Variants in TM9SF2 observed in about 807,000 individuals in gnomAD.
TM9SF2 encodes the protein 76 kDa membrane protein.
TM9SF2 carries 13 observed loss-of-function variants against 84.9 expected under a neutral mutation model. That is an observed-to-expected ratio of 0.15 (90% CI 0.10 to 0.24). The LOEUF (loss-of-function observed/expected upper bound fraction) is 0.24, where lower values mean the gene tolerates loss of function less well. Among genes scored for constraint, TM9SF2 ranks in the 10% least tolerant of loss-of-function variants. The pLI is 1.00. For missense variants in TM9SF2, 562 were observed against 818.5 expected (o/e 0.69, Z 3.82); for synonymous variants, 273 against 285.8 (o/e 0.96, Z 0.45).
At chr13:99,535,019 G>A (rs1254911752) in intron 4 of TM9SF2, among the ~76,000 whole-genome samples, 1 of 152,052 alleles carries the variant, frequency 6.6e-6, no homozygotes, top group Non-Finnish European at 1.5e-5. Context: ...AGGTGTGATG[G>A]CATGCACCTG....
intron 1 of TM9SF2, among the ~76,000 whole-genome samples, chr13:99,508,659 T>G (rs141374557): frequency 1.8e-3 from 268 of 152,124 alleles, no homozygotes; most frequent in Non-Finnish European, 3.3e-3. Context: ...CTCAGGAAAT[T>G]TTTACTCATG....
intron 10 of TM9SF2, among the ~76,000 whole-genome samples, chr13:99,544,812 C>G (rs1028864462): frequency 6.6e-6 from 1 of 152,102 alleles, no homozygotes; most frequent in Non-Finnish European, 1.5e-5. Flanking sequence ...TAAAAAGATT[C>G]TCTTCTTTGA....
At chr13:99,509,914 TC>T (rs1325838140) in intron 1 of TM9SF2, among the ~76,000 whole-genome samples, 8 of 152,236 alleles carry the variant, frequency 5.3e-5, no homozygotes, top group African/African-American at 1.9e-4. Context: ...GTGCTCTGCT[TC>T]CTGTTTAAAT....
chr13:99,562,681 T>C lies in TM9SF2; in HGVS notation c.1925-10T>C. 1 of 1,611,524 alleles carries C rather than the reference T, an allele frequency of 6.2e-7. No homozygotes were observed. Among genetic ancestry groups the C allele is most frequent in the Non-Finnish European group, 8.5e-7 (1 of 1,179,308 alleles). ...TGAAAAGGGGTTTATTTTTATTTTT[T>C]CTCTTATAGGAACAATTGGCTTCTT... On this transcript the variant is annotated splice_polypyrimidine_tract_variant and intron_variant, in intron 16 of 16. Transcript: ENST00000376387.
intron 4 of TM9SF2, among the ~76,000 whole-genome samples, chr13:99,530,176 A>G (rs1184067033): frequency 2.0e-5 from 3 of 152,216 alleles, no homozygotes; most frequent in African/African-American, 7.2e-5. Context: ...CTGTAATCCC[A>G]GCACTTGGGA....
intron 10 of TM9SF2, among the ~76,000 whole-genome samples, chr13:99,544,198 A>G (rs957518704): frequency 6.6e-6 from 1 of 152,032 alleles, no homozygotes; most frequent in Admixed American, 6.6e-5. Context: ...CTAAAAATAC[A>G]AAAACTGGGC....
At chr13:99,543,757 A>T (rs1004148360) in intron 9 of TM9SF2, 106 bp from the exon 10 acceptor site, 8 of 1,426,960 alleles carry the variant, frequency 5.6e-6, no homozygotes, top group African/African-American at 1.4e-5. Flanking sequence ...TTTTAAGTTT[A>T]AAAAAAACCT....
intron 1 of TM9SF2, among the ~76,000 whole-genome samples, chr13:99,507,412 A>G (rs1033422922): frequency 3.3e-5 from 5 of 152,188 alleles, no homozygotes; most frequent in Non-Finnish European, 7.3e-5. Flanking sequence ...CACCCAGGCT[A>G]GAGTGCAGTG....
intron 3 of TM9SF2, among the ~76,000 whole-genome samples, chr13:99,521,241 A>G (rs543191506): frequency 1.3e-5 from 2 of 152,336 alleles, no homozygotes; most frequent in South Asian, 4.1e-4. Context: ...ATTTTCATAC[A>G]CCTATAAGCT....
chr13:99,527,982 G>A (rs1258161768), intron 3 of TM9SF2, among the ~76,000 whole-genome samples: 1 of 152,104 alleles, frequency 6.6e-6, no homozygotes, highest in Non-Finnish European at 1.5e-5. Flanking sequence ...TTGATTTTCA[G>A]AATTATTCCA....
intron 4 of TM9SF2, among the ~76,000 whole-genome samples, chr13:99,531,521 C>G (rs1594053006): frequency 1.3e-5 from 2 of 152,120 alleles, no homozygotes; most frequent in East Asian, 1.9e-4. Context: ...GCATAGAACC[C>G]TGGGTTGCTG....
intron 14 of TM9SF2, 66 bp from the exon 15 acceptor site, chr13:99,555,470 G>GTT: frequency 8.3e-7 from 1 of 1,200,710 alleles, no homozygotes; most frequent in Non-Finnish European, 1.2e-6. Context: ...AGAATGAAAA[G>GTT]ATTGTGTTAT....
chr13:99,532,717 A>G (rs1471701865), intron 4 of TM9SF2, among the ~76,000 whole-genome samples: 1 of 152,230 alleles, frequency 6.6e-6, no homozygotes, highest in Non-Finnish European at 1.5e-5. Flanking sequence ...TTTATGATGC[A>G]GTTAACAAAG....
intron 3 of TM9SF2, among the ~76,000 whole-genome samples, chr13:99,525,288 C>T (rs1389025626): frequency 6.6e-6 from 1 of 152,126 alleles, no homozygotes; most frequent in Non-Finnish European, 1.5e-5. Context: ...GTTGTCCAGG[C>T]TTGAGTGCAG....
chr13:99,539,885 C>T (rs367990625), intron 7 of TM9SF2, among the ~76,000 whole-genome samples: 19 of 152,236 alleles, frequency 1.2e-4, no homozygotes, highest in African/African-American at 3.1e-4. Flanking sequence ...AAATCAACAC[C>T]GTACTTTAAA....
At chr13:99,528,707 T>C (rs1355837775) in intron 3 of TM9SF2, among the ~76,000 whole-genome samples, 3 of 152,194 alleles carry the variant, frequency 2.0e-5, no homozygotes, top group Admixed American at 6.5e-5. Context: ...TATGGCTGTA[T>C]TGGAAATAGC....
chr13:99,553,181 G>A (rs751601049), intron 13 of TM9SF2, among the ~76,000 whole-genome samples: 1 of 152,062 alleles, frequency 6.6e-6, no homozygotes, highest in Admixed American at 6.6e-5. Context: ...TTCTCTAACC[G>A]CACTTCAGTA....
chr13:99,536,859 ACAAC>A, intron 5 of TM9SF2, 122 bp downstream of exon 5: 9 of 1,051,336 alleles, frequency 8.6e-6, no homozygotes, highest in Non-Finnish European at 1.1e-5. Context: ...GTTCTGAAGT[ACAAC>A]TACTTCAATC....
intron 9 of TM9SF2, among the ~76,000 whole-genome samples, chr13:99,542,848 C>T (rs902892809): frequency 6.6e-6 from 1 of 152,126 alleles, no homozygotes; most frequent in African/African-American, 2.4e-5. Context: ...ACTCTGCTTC[C>T]ACAACCCTGT....
Sources: allele counts gnomAD v4.1 joint callset (sites outside exome capture counted in the v4.1 genomes callset), GRCh38; gene constraint gnomAD v4.1.1; transcripts MANE v1.5; gene names NCBI Gene and HGNC (gene_info 2026-07-23, HGNC 2026-07-21).